Variants in ENTPD7 observed in about 807,000 individuals in gnomAD.
ENTPD7 encodes NTPDase 7.
Under a neutral mutation model 77.9 loss-of-function variants are expected in ENTPD7, and 53 were observed. The observed-to-expected ratio is 0.68, with a 90% confidence interval of 0.55 to 0.85. The LOEUF (loss-of-function observed/expected upper bound fraction) is 0.85, where lower values mean the gene tolerates loss of function less well. Ranked by LOEUF, ENTPD7 falls within the 40% of genes least tolerant of loss-of-function variation. The pLI is 0.00. For missense variants in ENTPD7, 636 were observed against 743.7 expected (o/e 0.86, Z 1.68); for synonymous variants, 248 against 274.9 (o/e 0.90, Z 0.97).
At chr10:99,703,482 A>T (rs548229520) in intron 12 of ENTPD7, among the ~76,000 whole-genome samples, 43 of 152,190 alleles carry the variant, frequency 2.8e-4, no homozygotes, top group Non-Finnish European at 5.0e-4. Context: ...TCAGAAATCC[A>T]TATTTTTTAT....
intron 3 of ENTPD7, among the ~76,000 whole-genome samples, chr10:99,665,987 C>T (rs968652779): frequency 1.2e-4 from 18 of 152,102 alleles, no homozygotes; most frequent in African/African-American, 3.6e-4. Context: ...GACAGACCTG[C>T]GCATAGTTTC....
In ENTPD7 at chr10:99,707,304, ATATT is replaced by A. The variant is rs2036272700; in HGVS notation, c.*2626_*2629del. Among the ~76,000 whole-genome samples, 1 of 152,190 alleles carries A rather than the reference ATATT, an allele frequency of 6.6e-6. No individual in the cohort carries two copies. Among genetic ancestry groups the A allele is most frequent in the Non-Finnish European group, 1.5e-5 (1 of 68,034 alleles). ...TTGTCATATCCCTCAGAAGAACTGA[ATATT>A]TATTATTGGTATGGGCTCCTTTGTT... On this transcript the variant is annotated 3_prime_UTR_variant, in exon 13 of 13. Transcript: ENST00000370489.
At chr10:99,666,262 C>CAGTG (rs2035549278) in intron 3 of ENTPD7, among the ~76,000 whole-genome samples, 1 of 151,866 alleles carries the variant, frequency 6.6e-6, no homozygotes, top group African/African-American at 2.4e-5. Context: ...GGCCGGAGTG[C>CAGTG]AGTGGCGCTA....
At chr10:99,686,236 C>T (rs1177566853) in intron 6 of ENTPD7, among the ~76,000 whole-genome samples, 2 of 152,114 alleles carry the variant, frequency 1.3e-5, no homozygotes, top group African/African-American at 2.4e-5. Flanking sequence ...TTGAGTTTGT[C>T]AAAGTCAAAT....
chr10:99,707,281 G>T lies in ENTPD7; in HGVS notation c.*2598G>T, dbSNP rs1197504036. On this transcript the variant is annotated 3_prime_UTR_variant, in exon 13 of 13. Transcript: ENST00000370489. ...TTCCACAGTACTGAAGGAAAATTTT[G>T]TCATATCCCTCAGAAGAACTGAATA... 6.6e-6 allele frequency among the ~76,000 whole-genome samples: 1 copy of T among 152,074 alleles called. No homozygotes were observed. Among genetic ancestry groups the T allele is most frequent in the East Asian group, 1.9e-4 (1 of 5,188 alleles).
intron 5 of ENTPD7, among the ~76,000 whole-genome samples, chr10:99,683,243 T>C (rs1167210254): frequency 1.3e-5 from 2 of 152,186 alleles, no homozygotes; most frequent in Non-Finnish European, 2.9e-5. Context: ...TGACTATCAG[T>C]ATAAGAACCT....
chr10:99,691,358 G>C, intron 7 of ENTPD7, 27 bp from the exon 8 acceptor site: 1 of 1,600,688 alleles, frequency 6.2e-7, no homozygotes, highest in Non-Finnish European at 8.5e-7. Flanking sequence ...AATTACTAGG[G>C]CCTTTTTGTT....
chr10:99,674,880 T>C (rs2035661796), intron 3 of ENTPD7, among the ~76,000 whole-genome samples: 3 of 152,204 alleles, frequency 2.0e-5, no homozygotes, highest in African/African-American at 7.2e-5. Context: ...ATATTCTTCA[T>C]TGCCACACAA....
chr10:99,698,554 G>A lies in ENTPD7; in HGVS notation c.1031G>A (p.Gly344Asp), dbSNP rs2036035718. The change falls in exon 10 of 13, where the codon GGT (glycine) becomes GAT (aspartate). Residue 344 changes from glycine to aspartate, a missense_variant. By Grantham distance (94) the Gly-to-Asp change is moderately conservative. Coordinates refer to ENST00000370489, the MANE Select transcript of ENTPD7 (RefSeq NM_020354.5). ...NKNRLLGQKTGLSPDNPFLDP... is the reference protein window; with the variant it reads ...NKNRLLGQKTDLSPDNPFLDP... ...GGCAGATTGCTTGGTCAGAAGACAGGTCTGAGTCCCGACAATCCATTTCTG... is the reference window on the plus strand; with the variant it reads ...GGCAGATTGCTTGGTCAGAAGACAGATCTGAGTCCCGACAATCCATTTCTG... 2 of 1,613,944 alleles carry A rather than the reference G, an allele frequency of 1.2e-6. No individual in the cohort carries two copies. Among genetic ancestry groups the A allele is most frequent in the South Asian group, 1.1e-5 (1 of 91,074 alleles).
intron 9 of ENTPD7, among the ~76,000 whole-genome samples, chr10:99,696,652 T>C (rs1590055102): frequency 6.6e-6 from 1 of 152,218 alleles, no homozygotes; most frequent in East Asian, 1.9e-4. Flanking sequence ...GATTCTTCAT[T>C]TGAGTACCAG....
chr10:99,710,713 G>T lies in ENTPD7; in HGVS notation c.*6030G>T. On this transcript the variant is annotated 3_prime_UTR_variant, in exon 13 of 13. Coordinates refer to ENST00000370489, the MANE Select transcript of ENTPD7 (RefSeq NM_020354.5). ...CCACCATTCATCCCAGGACCACAAG[G>T]GTAGCTGTAGATAAACTGGTTATCC... 1.0e-6 allele frequency: 1 copy of T among 985,302 alleles called. No homozygotes were observed. Among genetic ancestry groups the T allele is most frequent in the Non-Finnish European group, 1.2e-6 (1 of 829,916 alleles). The allele number at this position is 985,302 out of a possible 1,614,324, so 61.0% of individuals were successfully genotyped here.
chr10:99,698,686 C>T lies in ENTPD7; in HGVS notation c.1163C>T (p.Pro388Leu). 6.2e-7 allele frequency: 1 copy of T among 1,614,130 alleles called. No individual in the cohort carries two copies. The highest frequency in any genetic ancestry group is 2.2e-5 in the East Asian group (1 of 44,870). The change falls in exon 10 of 13, where the codon CCC becomes CTC. Residue 388 changes from proline to leucine, a missense_variant. Coordinates refer to ENST00000370489, the MANE Select transcript of ENTPD7 (RefSeq NM_020354.5). ...DWVSCGAMLS[P>L]LLARSNTSQA... ...GTGTCTTGTGGGGCAATGCTGAGCC[C>T]CCTGCTGGCTCGCTCCAACACCAGC... is the stretch of plus-strand genomic sequence containing the variant.
At position 99,704,877 on chromosome 10, in the gene ENTPD7, G is replaced by A. The variant is rs1244352144; in HGVS notation, c.*194G>A. On this transcript the variant is annotated 3_prime_UTR_variant, in exon 13 of 13. Coordinates refer to ENST00000370489, the MANE Select transcript of ENTPD7 (RefSeq NM_020354.5). ...TCTGAGAGAAGCTATAATTTAATCTGTGAGGAACTAAATGACAGGAGATTG... is the reference window on the plus strand; with the variant it reads ...TCTGAGAGAAGCTATAATTTAATCTATGAGGAACTAAATGACAGGAGATTG... The A allele has an allele frequency of 1.6e-6, 1 of 612,026 alleles. No individual in the cohort carries two copies. The highest frequency in any genetic ancestry group is 2.8e-5 in the East Asian group (1 of 35,686). The allele number at this position is 612,026 out of a possible 1,614,324, so 37.9% of individuals were successfully genotyped here.
intron 3 of ENTPD7, among the ~76,000 whole-genome samples, chr10:99,665,686 TTTC>T (rs1325833100): frequency 6.6e-6 from 1 of 151,972 alleles, no homozygotes; most frequent in African/African-American, 2.4e-5. Flanking sequence ...TTGGCTTGCT[TTTC>T]TTTTTTTTTT....
intron 12 of ENTPD7, 85 bp downstream of exon 12, chr10:99,702,758 T>C: frequency 1.5e-6 from 2 of 1,308,498 alleles, no homozygotes; most frequent in Non-Finnish European, 2.0e-6. Flanking sequence ...TTTTTTTTTT[T>C]AACCAGCTTA....
chr10:99,667,253 A>G (rs2035561427), intron 3 of ENTPD7, among the ~76,000 whole-genome samples: 1 of 152,176 alleles, frequency 6.6e-6, no homozygotes, highest in Non-Finnish European at 1.5e-5. Flanking sequence ...TTATCATTAA[A>G]CTTCACTCAG....
chr10:99,700,583 ATT>A (rs2036100370), intron 10 of ENTPD7, among the ~76,000 whole-genome samples: 2 of 152,164 alleles, frequency 1.3e-5, no homozygotes, highest in Non-Finnish European at 2.9e-5. Context: ...AGGAATGATT[ATT>A]TTGGTGAGAA....
chr10:99,691,501 G>A lies in ENTPD7; in HGVS notation c.826G>A (p.Val276Ile), dbSNP rs1331939448. 1 of 1,613,786 alleles carries A rather than the reference G, an allele frequency of 6.2e-7. No individual in the cohort carries two copies. Residue 276 changes from valine (V) to isoleucine (I), a missense_variant, in exon 8 of 13, where the codon GTC becomes ATC. Physicochemically the swap from Val to Ile is conservative, Grantham distance 29. Coordinates refer to ENST00000370489, the MANE Select transcript of ENTPD7 (RefSeq NM_020354.5). ...IAYEVPTSTS[V>I]LPAKQEEAAK... ...TTATGAAGTTCCTACCTCAACCTCT[G>A]TCCTTCCTGCAAAGCAGGTACTTTA...
chr10:99,673,246 C>T (rs945980790), intron 3 of ENTPD7, among the ~76,000 whole-genome samples: 3 of 151,894 alleles, frequency 2.0e-5, no homozygotes, highest in African/African-American at 4.8e-5. Context: ...AGTGTGGCAT[C>T]GGCAAAACAG....
Sources: allele counts gnomAD v4.1 joint callset (sites outside exome capture counted in the v4.1 genomes callset), GRCh38; gene constraint gnomAD v4.1.1; transcripts MANE v1.5; gene names NCBI Gene and HGNC (gene_info 2026-07-23, HGNC 2026-07-21).